The following CSMD3 variants were observed in gnomAD, a reference collection of about 807,000 sequenced individuals.
CSMD3 encodes the protein CUB and Sushi multiple domains 3.
A neutral mutation model predicts 435.2 loss-of-function variants in CSMD3; 177 were observed. That is an observed-to-expected ratio of 0.41 (90% confidence interval 0.36 to 0.46). The LOEUF (loss-of-function observed/expected upper bound fraction) is 0.46, where lower values mean the gene tolerates loss of function less well. Ranked by LOEUF, CSMD3 falls within the 20% of genes least tolerant of loss-of-function variation. The pLI, the probability that CSMD3 is intolerant of heterozygous loss-of-function variation, is 0.34. For synonymous variants in CSMD3, 1,656 were observed against 1,520.5 expected (o/e 1.09, Z -2.07); for missense variants, 4,265 against 4,504.6 (o/e 0.95, Z 1.52).
chr8:112,979,212 T>G (rs1468109816), intron 6 of CSMD3, among the ~76,000 whole-genome samples: 1 of 151,734 alleles, frequency 6.6e-6, no homozygotes, highest in Non-Finnish European at 1.5e-5. Flanking sequence ...CAACGTTGTG[T>G]AGAATTAAAA....
chr8:113,352,249 T>A (rs546399015), intron 1 of CSMD3, among the ~76,000 whole-genome samples: 127 of 152,132 alleles, frequency 8.3e-4, no homozygotes, highest in African/African-American at 2.8e-3. Context: ...CTGAAACCTA[T>A]GATGCGTATG....
chr8:112,558,542 T>C (rs1032607619), intron 24 of CSMD3, among the ~76,000 whole-genome samples: 1 of 151,898 alleles, frequency 6.6e-6, no homozygotes, highest in African/African-American at 2.4e-5. Flanking sequence ...TCCCATGTCA[T>C]ATAAAACCAT....
chr8:112,970,923 G>A (rs577263674), intron 7 of CSMD3, among the ~76,000 whole-genome samples: 2 of 151,642 alleles, frequency 1.3e-5, no homozygotes, highest in Admixed American at 6.6e-5. Flanking sequence ...GGGTTTCACC[G>A]TGTAAGCCAG....
At chr8:112,578,494 G>T (rs1830110690) in intron 23 of CSMD3, among the ~76,000 whole-genome samples, 1 of 151,742 alleles carries the variant, frequency 6.6e-6, no homozygotes, top group African/African-American at 2.4e-5. Context: ...GCTTTTGAAG[G>T]GAGAGTTAAT....
chr8:113,419,565 G>A (rs956928985), intron 1 of CSMD3, among the ~76,000 whole-genome samples: 3 of 152,090 alleles, frequency 2.0e-5, no homozygotes, highest in Admixed American at 2.0e-4. Context: ...AAAAGATGGT[G>A]CATATTAGAG....
At chr8:112,778,187 G>A (rs945928947) in intron 13 of CSMD3, among the ~76,000 whole-genome samples, 2 of 151,792 alleles carry the variant, frequency 1.3e-5, no homozygotes, top group African/African-American at 2.4e-5. Context: ...TGGTACATTC[G>A]TTAAAATTAA....
At chr8:113,232,142 G>C (rs1380134201) in intron 3 of CSMD3, among the ~76,000 whole-genome samples, 1 of 151,384 alleles carries the variant, frequency 6.6e-6, no homozygotes, top group African/African-American at 2.4e-5. Flanking sequence ...ATGTATTGCT[G>C]GGTACCTTCC....
At chr8:112,405,443 C>T (rs1434270733) in intron 35 of CSMD3, among the ~76,000 whole-genome samples, 1 of 150,092 alleles carries the variant, frequency 6.7e-6, no homozygotes, top group African/African-American at 2.4e-5. Context: ...GAGTAATTTC[C>T]CTACTTTCTA....
chr8:112,235,315 C>T (rs1045050493), intron 67 of CSMD3, among the ~76,000 whole-genome samples: 2 of 151,716 alleles, frequency 1.3e-5, no homozygotes, highest in African/African-American at 4.8e-5. Flanking sequence ...GCCCAGGAGC[C>T]GGAGGTTGCA....
At chr8:113,069,948 T>C (rs2089033785) in intron 5 of CSMD3, among the ~76,000 whole-genome samples, 1 of 152,098 alleles carries the variant, frequency 6.6e-6, no homozygotes, top group South Asian at 2.1e-4. Flanking sequence ...GAGCCAACAC[T>C]GCAACTCACT....
At chr8:112,386,799 A>G (rs1187074478) in intron 36 of CSMD3, among the ~76,000 whole-genome samples, 1 of 151,958 alleles carries the variant, frequency 6.6e-6, no homozygotes, top group Non-Finnish European at 1.5e-5. Flanking sequence ...GCCCGGCCCA[A>G]CTAAAGATTT....
intron 7 of CSMD3, among the ~76,000 whole-genome samples, chr8:112,957,081 A>G (rs935142177): frequency 6.6e-6 from 1 of 152,106 alleles, no homozygotes; most frequent in Non-Finnish European, 1.5e-5. Flanking sequence ...AATAAATTAA[A>G]AAAATAAATA....
intron 30 of CSMD3, among the ~76,000 whole-genome samples, chr8:112,494,716 C>T (rs143161100): frequency 3.9e-5 from 6 of 151,956 alleles, no homozygotes; most frequent in Non-Finnish European, 7.4e-5. Flanking sequence ...TAAAGACTTG[C>T]GATTTTGGCA....
intron 32 of CSMD3, among the ~76,000 whole-genome samples, chr8:112,418,221 G>A (rs1222340301): frequency 6.6e-6 from 1 of 151,934 alleles, no homozygotes; most frequent in East Asian, 1.9e-4. Flanking sequence ...TATAATGTTT[G>A]GCTACTTTTA....
intron 6 of CSMD3, among the ~76,000 whole-genome samples, chr8:112,986,959 A>G (rs1302468465): frequency 6.6e-6 from 1 of 152,078 alleles, no homozygotes; most frequent in Non-Finnish European, 1.5e-5. Flanking sequence ...AGTTTCCCTC[A>G]TCTTCCTCTA....
At chr8:112,358,768 G>A (rs1411224117) in intron 38 of CSMD3, among the ~76,000 whole-genome samples, 1 of 152,116 alleles carries the variant, frequency 6.6e-6, no homozygotes, top group Non-Finnish European at 1.5e-5. Context: ...TCTCTGGTAT[G>A]TCTTTATCAG....
chr8:112,974,254 C>A (rs2084765766), intron 7 of CSMD3, among the ~76,000 whole-genome samples: 1 of 151,856 alleles, frequency 6.6e-6, no homozygotes, highest in African/African-American at 2.4e-5. Context: ...TATTTTCAGT[C>A]TGCATTATTG....
intron 4 of CSMD3, among the ~76,000 whole-genome samples, chr8:113,101,019 T>C (rs1054429943): frequency 2.0e-5 from 3 of 152,090 alleles, no homozygotes; most frequent in African/African-American, 7.2e-5. Flanking sequence ...CTCCTGGGGT[T>C]ACAAGTAGGA....
At chr8:112,451,743 G>T (rs748124608) in intron 32 of CSMD3, among the ~76,000 whole-genome samples, 1 of 152,022 alleles carries the variant, frequency 6.6e-6, no homozygotes, top group South Asian at 2.1e-4. Context: ...TCTCCACATT[G>T]GTCAGGCTGG....
Sources: allele counts gnomAD v4.1 joint callset (sites outside exome capture counted in the v4.1 genomes callset), GRCh38; gene constraint gnomAD v4.1.1; transcripts MANE v1.5; gene names NCBI Gene and HGNC (gene_info 2026-07-23, HGNC 2026-07-21).